Variants in NR6A1 observed in about 807,000 individuals in gnomAD.
NR6A1 encodes the protein nuclear receptor subfamily 6 group A member 1.
In NR6A1, 7 loss-of-function variants were observed where a neutral mutation model predicts 59.1. That is an observed-to-expected ratio of 0.12 (90% CI 0.07 to 0.22). The LOEUF (loss-of-function observed/expected upper bound fraction) is 0.22. Ranked by LOEUF, NR6A1 falls within the 10% of genes least tolerant of loss-of-function variation. The pLI is 1.00. For missense variants in NR6A1, 468 were observed against 611.6 expected (o/e 0.77, Z 2.48); for synonymous variants, 243 against 236.1 (o/e 1.03, Z -0.27).
chr9:124,614,726 GATA>G (rs1564202279), intron 2 of NR6A1, among the ~76,000 whole-genome samples: 1 of 152,252 alleles, frequency 6.6e-6, no homozygotes, highest in South Asian at 2.1e-4. Flanking sequence ...TGACTGTAAA[GATA>G]ATATCATCAT....
chr9:124,562,717 T>C (rs1171558961), intron 2 of NR6A1, among the ~76,000 whole-genome samples: 6 of 152,214 alleles, frequency 3.9e-5, no homozygotes, highest in Non-Finnish European at 7.3e-5. Context: ...TTAGGGTCTC[T>C]GTGGACACAT....
At chr9:124,540,628 G>A (rs1325747098) in intron 4 of NR6A1, among the ~76,000 whole-genome samples, 4 of 152,142 alleles carry the variant, frequency 2.6e-5, no homozygotes, top group African/African-American at 9.6e-5. Context: ...GGTGAAACCC[G>A]TCTCTACAAA....
At chr9:124,610,460 G>A (rs1024315079) in intron 2 of NR6A1, among the ~76,000 whole-genome samples, 2 of 152,142 alleles carry the variant, frequency 1.3e-5, no homozygotes, top group African/African-American at 4.8e-5. Context: ...CAAAGTGCTC[G>A]TGATGGATAA....
chr9:124,733,199 G>A (rs752835862), intron 2 of NR6A1, 109 bp downstream of exon 2: 43 of 781,124 alleles, frequency 5.5e-5, no homozygotes, highest in Admixed American at 3.5e-4. Context: ...AATAAAATCT[G>A]AGAGTCAATA....
At chr9:124,572,291 T>C (rs2131433661) in intron 2 of NR6A1, among the ~76,000 whole-genome samples, 1 of 152,370 alleles carries the variant, frequency 6.6e-6, no homozygotes, top group Non-Finnish European at 1.5e-5. Flanking sequence ...TGACTATCAC[T>C]AGAATTTTCC....
chr9:124,658,811 T>C (rs922123709), intron 2 of NR6A1: 2 of 152,162 alleles, frequency 1.3e-5, no homozygotes, highest in African/African-American at 2.4e-5. Flanking sequence ...GGGGCTTGAC[T>C]AAAATCTTTT....
chr9:124,768,616 T>G (rs1200797567), intron 1 of NR6A1, among the ~76,000 whole-genome samples: 2 of 152,238 alleles, frequency 1.3e-5, no homozygotes, highest in Non-Finnish European at 2.9e-5. Context: ...TAGACTAATG[T>G]AAAGCTTTAA....
At chr9:124,532,477 C>T (rs1291579215) in intron 7 of NR6A1, among the ~76,000 whole-genome samples, 1 of 152,220 alleles carries the variant, frequency 6.6e-6, no homozygotes, top group African/African-American at 2.4e-5. Flanking sequence ...TTCTTTTTGC[C>T]TCCCAGTCCA....
chr9:124,582,791 G>C (rs913514460), intron 2 of NR6A1, among the ~76,000 whole-genome samples: 1 of 152,168 alleles, frequency 6.6e-6, no homozygotes, highest in Non-Finnish European at 1.5e-5. Context: ...AGGAGGCTGA[G>C]GCAAAAGGAT....
chr9:124,771,083 CTCCCCCTCCGCT>C lies in NR6A1; in HGVS notation c.25_36del (p.Ser9_Gly12del), dbSNP rs1436802527. On this transcript the variant is annotated inframe_deletion, in exon 1 of 10. Coordinates refer to ENST00000487099, the MANE Select transcript of NR6A1 (RefSeq NM_033334.4). ...AGGAACCCCGCCGAGCCCCCGCCGC[CTCCCCCTCCGCT>C]AGGCGGCGGTTCGTCCCGCTCCATG... The C allele has an allele frequency of 8.1e-7, 1 of 1,230,332 alleles. No individual in the cohort carries two copies. Among genetic ancestry groups the C allele is most frequent in the Non-Finnish European group, 1.0e-6 (1 of 986,950 alleles). 76.2% of individuals were successfully genotyped at this position (1,230,332 alleles called of 1,614,324 possible).
chr9:124,727,914 AC>A (rs1459151061), intron 2 of NR6A1, among the ~76,000 whole-genome samples: 1 of 151,970 alleles, frequency 6.6e-6, no homozygotes, highest in African/African-American at 2.4e-5. Context: ...CGATCTCCTG[AC>A]CTCATGATCT....
At position 124,580,425 on chromosome 9, in the gene NR6A1, G is replaced by GT. The variant is rs532976060; in HGVS notation, c.143-25856dup. ...CCACAAAATGACAGCATGAAAGAAG[G>GT]TTTTTTTTTTGAGGTAAAGAAATGG... On this transcript the variant is annotated intron_variant, in intron 2 of 9. Coordinates refer to ENST00000487099, the MANE Select transcript of NR6A1 (RefSeq NM_033334.4). Among the ~76,000 whole-genome samples, 752 of 148,686 alleles carry GT rather than the reference G, an allele frequency of 5.1e-3. 5 individuals are homozygous for GT. The highest frequency in any genetic ancestry group is 0.016 in the African/African-American group (646 of 40,580).
intron 1 of NR6A1, among the ~76,000 whole-genome samples, chr9:124,757,442 C>T (rs1286756593): frequency 7.3e-6 from 1 of 137,628 alleles, no homozygotes; most frequent in Admixed American, 7.5e-5. Context: ...ATAGTATATA[C>T]TGTATGACTA....
rs1257259298 is a variant in NR6A1 at position 124,706,999 on chromosome 9, G to A, written c.142+26309C>T. Among the ~76,000 whole-genome samples the A allele has an allele frequency of 2.0e-5, 3 of 151,972 alleles. No individual in the cohort carries two copies. The East Asian group carries it at 5.8e-4, about 29-fold the overall frequency. On this transcript the variant is annotated intron_variant, in intron 2 of 9. Coordinates refer to ENST00000487099, the MANE Select transcript of NR6A1 (RefSeq NM_033334.4). ...TCTTTCCACATTTTGACTCTGATGT[G>A]TGTTTATCATACTTGGCGTTTATTA... is the stretch of plus-strand genomic sequence containing the variant.
chr9:124,711,772 G>A (rs948078986), intron 2 of NR6A1, among the ~76,000 whole-genome samples: 1 of 152,164 alleles, frequency 6.6e-6, no homozygotes, highest in African/African-American at 2.4e-5. Flanking sequence ...CAAGAGAAGT[G>A]AGACAGGGAA....
chr9:124,526,029 G>A (rs182958299), intron 8 of NR6A1, among the ~76,000 whole-genome samples: 329 of 152,298 alleles, frequency 2.2e-3, no homozygotes, highest in African/African-American at 7.5e-3. Context: ...GGGGTGAGTA[G>A]GCCAAGAGGA....
In NR6A1 at chr9:124,540,117, T is replaced by C; in HGVS notation, c.512A>G (p.Asn171Ser). The change falls in exon 5 of 10, where the codon AAC becomes AGC. Residue 171 changes from asparagine to serine, a missense_variant. Transcript: ENST00000487099. The stretch of plus-strand genomic sequence containing the variant: ...GGAACTGTGGTCACTATCACCATGG[T>C]TGCTCCAGTGATTGGCCTCTTCCTC... ...EFEEEANHWS[N>S]HGDSDHSSPG... The C allele has an allele frequency of 6.2e-7, 1 of 1,613,892 alleles. No homozygotes were observed. Among genetic ancestry groups the C allele is most frequent in the Non-Finnish European group, 8.5e-7 (1 of 1,179,950 alleles).
intron 2 of NR6A1, among the ~76,000 whole-genome samples, chr9:124,591,911 A>C (rs776660621): frequency 5.9e-5 from 9 of 152,284 alleles, no homozygotes; most frequent in Non-Finnish European, 8.8e-5. Context: ...AAACCATTTG[A>C]GATGTAGCTT....
chr9:124,599,021 C>CT (rs1835367232), intron 2 of NR6A1: 6 of 743,018 alleles, frequency 8.1e-6, no homozygotes, highest in Non-Finnish European at 1.5e-5. Context: ...GGTCTTGTCC[C>CT]TCCTCATGAG....
Sources: allele counts gnomAD v4.1 joint callset (sites outside exome capture counted in the v4.1 genomes callset), GRCh38; gene constraint gnomAD v4.1.1; transcripts MANE v1.5; gene names NCBI Gene and HGNC (gene_info 2026-07-23, HGNC 2026-07-21).